The following WDPCP variants were observed in gnomAD, a reference collection of about 807,000 sequenced individuals.
The protein encoded by WDPCP is WD repeat containing planar cell polarity effector, also known as WD repeat-containing and planar cell polarity effector protein fritz homolog.
A neutral mutation model predicts 93.1 loss-of-function variants in WDPCP; 71 were observed. The ratio of observed to expected loss-of-function variants is 0.76; its 90% CI spans 0.63 to 0.93. The LOEUF is 0.93. Ranked by LOEUF, WDPCP falls within the 40% of genes least tolerant of loss-of-function variation. The pLI, the probability that WDPCP is intolerant of heterozygous loss-of-function variation, is 0.00. For synonymous variants in WDPCP, 315 were observed against 315.0 expected (o/e 1.00, Z 0.00); for missense variants, 844 against 887.4 (o/e 0.95, Z 0.62).
intron 13 of WDPCP, among the ~76,000 whole-genome samples, chr2:63,287,415 G>A (rs1001191959): frequency 1.3e-4 from 20 of 151,526 alleles, no homozygotes; most frequent in Non-Finnish European, 1.9e-4. Context: ...ACTCACTCAC[G>A]CTACTCTTCC....
At chr2:63,396,554 C>G (rs896743862) in intron 10 of WDPCP, among the ~76,000 whole-genome samples, 1 of 152,078 alleles carries the variant, frequency 6.6e-6, no homozygotes, top group Non-Finnish European at 1.5e-5. Context: ...AAGGAGTGAG[C>G]GTGAGAGCAC....
At chr2:63,153,189 T>C (rs552482899) in intron 16 of WDPCP, 24 of 561,602 alleles carry the variant, frequency 4.3e-5, no homozygotes, top group Non-Finnish European at 7.2e-5. Flanking sequence ...TAGTATATAC[T>C]AGCAGCATAT....
chr2:63,233,701 G>T (rs891404406), intron 14 of WDPCP: 2 of 153,160 alleles, frequency 1.3e-5, no homozygotes, highest in Non-Finnish European at 2.9e-5. Context: ...ATGAATCCCT[G>T]TCTTAGTATC....
At chr2:63,418,242 C>G (rs4671507) in intron 9 of WDPCP, among the ~76,000 whole-genome samples, 60,679 of 151,846 alleles carry the variant, frequency 0.4, 12,432 homozygotes, top group Non-Finnish European at 0.43. Flanking sequence ...GTTTTTCTCC[C>G]AAAATCAGCT....
chr2:63,277,544 T>C (rs576823145), intron 13 of WDPCP, among the ~76,000 whole-genome samples: 3 of 152,100 alleles, frequency 2.0e-5, no homozygotes, highest in Non-Finnish European at 4.4e-5. Context: ...AAATTTAAGG[T>C]AAAGAGGTGG....
intron 13 of WDPCP, among the ~76,000 whole-genome samples, chr2:63,262,690 G>A (rs1681752761): frequency 6.6e-6 from 1 of 152,024 alleles, no homozygotes. Flanking sequence ...AACATTTTCT[G>A]TCTCTTATTT....
chr2:63,345,597 A>G (rs1225586160), intron 12 of WDPCP, among the ~76,000 whole-genome samples: 1 of 152,220 alleles, frequency 6.6e-6, no homozygotes, highest in African/African-American at 2.4e-5. Flanking sequence ...AAGGGCAGAC[A>G]TAGTAGACAA....
chr2:63,361,480 T>C (rs987266464), intron 12 of WDPCP, among the ~76,000 whole-genome samples: 2 of 152,288 alleles, frequency 1.3e-5, no homozygotes, highest in Non-Finnish European at 2.9e-5. Flanking sequence ...AGTAAACAAG[T>C]ATTTATTGAG....
At chr2:63,827,553 T>G (rs1671132504) in intron 1 of WDPCP, 2 of 152,156 alleles carry the variant, frequency 1.3e-5, no homozygotes, top group Admixed American at 6.5e-5. Flanking sequence ...AACATGATCA[T>G]TTCATTTGCA....
Position 63,717,548 on chromosome 2 carries a change from C to A in WDPCP, n.309-66710G>T. 3.2e-5 allele frequency: 16 copies of A among 498,450 alleles called. 1 individual carries two copies. The highest frequency in any genetic ancestry group is 2.0e-4 in the South Asian group (13 of 66,608). 30.9% of individuals were successfully genotyped at this position (498,450 alleles called of 1,614,324 possible). On this transcript the variant is annotated intron_variant and non_coding_transcript_variant, in intron 2 of 4. Transcript: ENST00000467687. ...AGGACAGGTTGTCCCAGGCTCTGGC[C>A]ATGCAGTCTTCTAAGGAAGACTGAT... is the stretch of plus-strand genomic sequence containing the variant.
intron 2 of WDPCP, among the ~76,000 whole-genome samples, chr2:63,674,626 A>T (rs1287928633): frequency 6.6e-6 from 1 of 152,144 alleles, no homozygotes; most frequent in African/African-American, 2.4e-5. Context: ...TCTGCTGTGT[A>T]ATATCGAGCC....
intron 6 of WDPCP, among the ~76,000 whole-genome samples, chr2:63,460,835 C>T (rs1575463496): frequency 6.6e-6 from 1 of 151,410 alleles, no homozygotes; most frequent in East Asian, 1.9e-4. Flanking sequence ...ACCATGTTAG[C>T]CAGGATGGTC....
intron 13 of WDPCP, among the ~76,000 whole-genome samples, chr2:63,300,330 C>T (rs1685229324): frequency 1.3e-5 from 2 of 152,084 alleles, no homozygotes; most frequent in East Asian, 3.9e-4. Context: ...TCTAGGATAC[C>T]AAGTACAACA....
chr2:63,724,438 G>A (rs988308732), intron 2 of WDPCP, among the ~76,000 whole-genome samples: 6 of 151,546 alleles, frequency 4.0e-5, no homozygotes, highest in African/African-American at 1.5e-4. Context: ...CTGCTTCTAC[G>A]GATTTTGCTA....
At chr2:63,488,092 C>T (rs1700671590) in intron 2 of WDPCP, among the ~76,000 whole-genome samples, 1 of 151,992 alleles carries the variant, frequency 6.6e-6, no homozygotes, top group African/African-American at 2.4e-5. Context: ...AGCTGGGCTT[C>T]CCAGATGTCA....
At chr2:63,422,214 A>G (rs916500894) in intron 9 of WDPCP, among the ~76,000 whole-genome samples, 1 of 152,198 alleles carries the variant, frequency 6.6e-6, no homozygotes, top group African/African-American at 2.4e-5. Flanking sequence ...AACAAGGAAT[A>G]TACTATCACA....
At chr2:63,728,974 T>C (rs191898517) in intron 2 of WDPCP, among the ~76,000 whole-genome samples, 150 of 152,336 alleles carry the variant, frequency 9.8e-4, no homozygotes, top group African/African-American at 3.2e-3. Flanking sequence ...TCTAAGAACA[T>C]ACACTGACAC....
chr2:63,313,427 T>G, intron 12 of WDPCP, 116 bp from the exon 13 acceptor site: 1 of 1,062,182 alleles, frequency 9.4e-7, no homozygotes, highest in Non-Finnish European at 1.4e-6. Flanking sequence ...TGGAAAAATA[T>G]TTTCAAACAG....
intron 13 of WDPCP, among the ~76,000 whole-genome samples, chr2:63,294,673 T>G (rs574260299): frequency 4.6e-4 from 70 of 151,978 alleles, no homozygotes; most frequent in Non-Finnish European, 8.7e-4. Flanking sequence ...GCAGGACATG[T>G]GCAAGGGAGT....
Sources: allele counts gnomAD v4.1 joint callset (sites outside exome capture counted in the v4.1 genomes callset), GRCh38; gene constraint gnomAD v4.1.1; transcripts MANE v1.5; gene names NCBI Gene and HGNC (gene_info 2026-07-23, HGNC 2026-07-21).